The following NFIA variants were observed in gnomAD, a reference collection of about 807,000 sequenced individuals.
The protein encoded by NFIA is nuclear factor 1 A-type.
In NFIA, 8 loss-of-function variants were observed where a neutral mutation model predicts 62.8. That is an observed-to-expected ratio of 0.13 (90% CI 0.07 to 0.23). The LOEUF (loss-of-function observed/expected upper bound fraction) is 0.23. Among genes scored for constraint, NFIA ranks in the 10% least tolerant of loss-of-function variants. The probability of loss-of-function intolerance (pLI) is 1.00; values close to 1 mark genes in which losing one functional copy is unlikely to be tolerated. For synonymous variants in NFIA, 235 were observed against 238.1 expected (o/e 0.99, Z 0.12); for missense variants, 410 against 642.1 (o/e 0.64, Z 3.91).
rs5774561 is a variant in NFIA at position 61,432,640 on chromosome 1, T to TAC, written c.1512+6088_1512+6089dup. On this transcript the variant is annotated intron_variant, in intron 10 of 10. Transcript: ENST00000403491. ...ACACACACACGTACACACATATATA[T>TAC]ACACATATATATACATATATATACA... is the stretch of plus-strand genomic sequence containing the variant. Among the ~76,000 whole-genome samples the TAC allele has an allele frequency of 1.7e-3, 153 of 91,068 alleles. 1 individual carries two copies. The highest frequency in any genetic ancestry group is 0.012 in the East Asian group (31 of 2,564). 59.7% of individuals were successfully genotyped at this position (91,068 alleles called of 152,430 possible).
At chr1:61,157,226 C>A (rs551462860) in intron 2 of NFIA, among the ~76,000 whole-genome samples, 1 of 152,254 alleles carries the variant, frequency 6.6e-6, no homozygotes, top group East Asian at 1.9e-4. Context: ...TTGGCATATG[C>A]AGACTTTTCA....
chr1:61,108,035 A>G (rs1379612656), intron 2 of NFIA, among the ~76,000 whole-genome samples: 2 of 151,640 alleles, frequency 1.3e-5, no homozygotes, highest in East Asian at 1.9e-4. Context: ...CATCACCACA[A>G]TTTTTCACTT....
chr1:61,173,727 A>G (rs1449495073), intron 2 of NFIA, among the ~76,000 whole-genome samples: 3 of 152,098 alleles, frequency 2.0e-5, no homozygotes, highest in African/African-American at 7.2e-5. Context: ...CTCTCTGGCC[A>G]GGGCTCTGAA....
chr1:61,188,162 C>T (rs1008856117), intron 2 of NFIA, among the ~76,000 whole-genome samples: 2 of 152,064 alleles, frequency 1.3e-5, no homozygotes, highest in African/African-American at 4.8e-5. Context: ...ATTCTCCTGC[C>T]TCAGCCCCGG....
At chr1:61,238,691 G>A (rs332833) in intron 2 of NFIA, among the ~76,000 whole-genome samples, 101,188 of 152,056 alleles carry the variant, frequency 0.67, 35,621 homozygotes, top group African/African-American at 0.92. Flanking sequence ...AAGAAATTCT[G>A]TCTTTTCTGG....
chr1:61,374,563 A>G (rs1247793376), intron 6 of NFIA, among the ~76,000 whole-genome samples: 1 of 152,068 alleles, frequency 6.6e-6, no homozygotes, highest in African/African-American at 2.4e-5. Flanking sequence ...TCTGGTTGTA[A>G]ATTTTCACTC....
chr1:61,288,440 T>C (rs1658649086), intron 3 of NFIA, among the ~76,000 whole-genome samples: 1 of 152,192 alleles, frequency 6.6e-6, no homozygotes, highest in Non-Finnish European at 1.5e-5. Flanking sequence ...CTTTGAATCC[T>C]CCTGCTTTAA....
intron 10 of NFIA, among the ~76,000 whole-genome samples, chr1:61,449,678 G>C (rs1667975194): frequency 3.6e-5 from 2 of 55,808 alleles, no homozygotes; most frequent in Admixed American, 4.5e-4. Context: ...AGGCCACAAA[G>C]GTGCCGGGGC....
chr1:61,269,453 A>G (rs1020863427), intron 2 of NFIA, among the ~76,000 whole-genome samples: 7 of 152,196 alleles, frequency 4.6e-5, no homozygotes, highest in Admixed American at 1.3e-4. Context: ...AGGAAATCCA[A>G]TGCCTGTACA....
At chr1:61,159,697 T>C in intron 2 of NFIA, among the ~76,000 whole-genome samples, 1 of 150,700 alleles carries the variant, frequency 6.6e-6, no homozygotes, top group African/African-American at 2.4e-5. Flanking sequence ...TTTTTTTTTT[T>C]TTGAGATGGA....
rs530039793 is a variant in NFIA, at chr1:61,083,841, C to T, written c.27+1023C>T. 4.6e-5 allele frequency among the ~76,000 whole-genome samples: 7 copies of T among 152,166 alleles called. No homozygotes were observed. The East Asian group carries it at 1.4e-3, about 29-fold the overall frequency. The stretch of plus-strand genomic sequence containing the variant: ...GCAGGACGGGGGCAACTTTTCCCCT[C>T]CGACTCAACTCAGAGCATGGGGCTC... On this transcript the variant is annotated intron_variant, in intron 1 of 10. Coordinates refer to ENST00000403491, the MANE Select transcript of NFIA (RefSeq NM_001134673.4).
intron 6 of NFIA, among the ~76,000 whole-genome samples, chr1:61,366,263 G>T (rs1557735451): frequency 6.6e-6 from 1 of 152,028 alleles, no homozygotes; most frequent in Non-Finnish European, 1.5e-5. Flanking sequence ...ATTAAGTACA[G>T]ACATATCAGT....
intron 9 of NFIA, 34 bp from the exon 10 acceptor site, chr1:61,426,430 CG>C (rs1557429179): frequency 4.9e-6 from 7 of 1,428,808 alleles, no homozygotes; most frequent in Non-Finnish European, 6.8e-6. Flanking sequence ...AATCTCGTGC[CG>C]CTTCCTGAAC....
Position 61,289,785 on chromosome 1 carries a change from A to G in NFIA, c.625+12200A>G, listed in dbSNP as rs372768160. Among the ~76,000 whole-genome samples the G allele has an allele frequency of 8.5e-4, 130 of 152,184 alleles. 2 individuals carry two copies. The South Asian group carries it at 0.026, about 31-fold the overall frequency. ...TATTTCTTATCTCATCTTCCCAGGT[A>G]TCTGCCTCAGCCTTGTTCAGGCACC... On this transcript the variant is annotated intron_variant, in intron 3 of 10. Coordinates refer to ENST00000403491, the MANE Select transcript of NFIA (RefSeq NM_001134673.4).
chr1:61,403,273 A>C (rs1353372705), intron 7 of NFIA, among the ~76,000 whole-genome samples: 1 of 152,186 alleles, frequency 6.6e-6, no homozygotes, highest in Non-Finnish European at 1.5e-5. Flanking sequence ...TTTATCAATC[A>C]TCCTTCTAAT....
intron 2 of NFIA, among the ~76,000 whole-genome samples, chr1:61,274,808 G>C (rs934963890): frequency 1.3e-5 from 2 of 152,142 alleles, no homozygotes; most frequent in African/African-American, 2.4e-5. Context: ...TGGTCATCTG[G>C]TTGGCTCCAC....
intron 3 of NFIA, among the ~76,000 whole-genome samples, chr1:61,303,667 G>C (rs1461251228): frequency 6.6e-6 from 1 of 152,202 alleles, no homozygotes; most frequent in Non-Finnish European, 1.5e-5. Context: ...GACTTCAGCA[G>C]CATAAGAATC....
intron 6 of NFIA, among the ~76,000 whole-genome samples, chr1:61,373,820 A>G (rs1318249920): frequency 1.3e-5 from 2 of 152,144 alleles, no homozygotes; most frequent in Non-Finnish European, 2.9e-5. Flanking sequence ...AAAAGACTAA[A>G]CATGCTGAAC....
intron 9 of NFIA, among the ~76,000 whole-genome samples, chr1:61,425,668 AT>A (rs1437317625): frequency 6.6e-6 from 1 of 152,182 alleles, no homozygotes; most frequent in Non-Finnish European, 1.5e-5. Flanking sequence ...AAGCCACTGA[AT>A]TTTTTCCCAT....
Sources: allele counts gnomAD v4.1 joint callset (sites outside exome capture counted in the v4.1 genomes callset), GRCh38; gene constraint gnomAD v4.1.1; transcripts MANE v1.5; gene names NCBI Gene and HGNC (gene_info 2026-07-23, HGNC 2026-07-21).